The following SLC24A2 variants were observed in gnomAD, a reference collection of about 807,000 sequenced individuals.
The protein encoded by SLC24A2 is sodium/potassium/calcium exchanger 2.
A neutral mutation model predicts 62.0 loss-of-function variants in SLC24A2; 36 were observed. That is an observed-to-expected ratio of 0.58 (90% confidence interval 0.44 to 0.77). SLC24A2 has a LOEUF of 0.77. Ranked by LOEUF, SLC24A2 falls within the 30% of genes least tolerant of loss-of-function variation. The pLI, the probability that SLC24A2 is intolerant of heterozygous loss-of-function variation, is 0.00. For synonymous variants in SLC24A2, 358 were observed against 294.0 expected (o/e 1.22, Z -2.23); for missense variants, 846 against 817.9 (o/e 1.03, Z -0.42).
chr9:19,676,764 G>A (rs1819573248), intron 2 of SLC24A2, among the ~76,000 whole-genome samples: 1 of 152,122 alleles, frequency 6.6e-6, no homozygotes, highest in Admixed American at 6.6e-5. Flanking sequence ...TTGCATATTA[G>A]GAAGGATAGA....
chr9:19,567,355 GC>G (rs1835696373), intron 7 of SLC24A2, among the ~76,000 whole-genome samples: 1 of 151,462 alleles, frequency 6.6e-6, no homozygotes, highest in African/African-American at 2.4e-5. Flanking sequence ...GACCTTCCTG[GC>G]TAACACAATG....
At chr9:20,189,945 G>A in the SLC24A2 span, among the ~76,000 whole-genome samples, 3 of 152,124 alleles carry the variant, frequency 2.0e-5, no homozygotes, top group Non-Finnish European at 2.9e-5. Flanking sequence ...GAGGGGAGAT[G>A]GGCTATTCAT....
At chr9:20,021,443 T>C in the SLC24A2 span, among the ~76,000 whole-genome samples, 1 of 152,018 alleles carries the variant, frequency 6.6e-6, no homozygotes, top group East Asian at 1.9e-4. Context: ...CTATTAATAT[T>C]GGATTATTAA....
chr9:20,118,546 T>C, the SLC24A2 span, among the ~76,000 whole-genome samples: 1 of 152,268 alleles, frequency 6.6e-6, no homozygotes, highest in Non-Finnish European at 1.5e-5. Context: ...CTTAAGTTTT[T>C]TTTTATTTTT....
intron 2 of SLC24A2, among the ~76,000 whole-genome samples, chr9:19,684,891 GA>G (rs750774745): frequency 5.3e-5 from 8 of 152,120 alleles, no homozygotes; most frequent in Non-Finnish European, 1.0e-4. Flanking sequence ...ATCCAAATAG[GA>G]AGACAGGAAC....
chr9:19,559,966 C>T (rs565274781), intron 7 of SLC24A2, among the ~76,000 whole-genome samples: 18 of 152,084 alleles, frequency 1.2e-4, no homozygotes, highest in Non-Finnish European at 2.2e-4. Flanking sequence ...CTCACCGACC[C>T]AAACACCTGA....
the SLC24A2 span, among the ~76,000 whole-genome samples, chr9:19,820,058 C>CATATATATATACATATATAT: frequency 2.9e-5 from 1 of 34,644 alleles, no homozygotes. Flanking sequence ...TATATATACA[C>CATATATATATACATATATAT]ATATATATAT....
chr9:20,202,153 T>C, the SLC24A2 span, among the ~76,000 whole-genome samples: 4 of 151,792 alleles, frequency 2.6e-5, no homozygotes, highest in East Asian at 5.8e-4. Flanking sequence ...TGCTGAGATA[T>C]ATGAAGCAGA....
the SLC24A2 span, among the ~76,000 whole-genome samples, chr9:19,879,603 A>G: frequency 6.6e-5 from 10 of 152,184 alleles, no homozygotes; most frequent in African/African-American, 2.2e-4. Flanking sequence ...GTATCAGAAA[A>G]TATTCTCCCC....
the SLC24A2 span, among the ~76,000 whole-genome samples, chr9:20,086,742 C>T: frequency 6.6e-6 from 1 of 152,148 alleles, no homozygotes; most frequent in Non-Finnish European, 1.5e-5. Flanking sequence ...GTTCCCAAAG[C>T]CTAGGAAATA....
chr9:19,766,270 A>G (rs1434787730), intron 2 of SLC24A2, among the ~76,000 whole-genome samples: 1 of 152,090 alleles, frequency 6.6e-6, no homozygotes, highest in East Asian at 1.9e-4. Context: ...GGAGTTTGTT[A>G]TTACCCACTT....
chr9:20,179,843 C>A, the SLC24A2 span, among the ~76,000 whole-genome samples: 1 of 152,104 alleles, frequency 6.6e-6, no homozygotes, highest in Non-Finnish European at 1.5e-5. Flanking sequence ...GCTTCTATTT[C>A]TCTCTAAATA....
chr9:19,937,828 G>A, the SLC24A2 span, among the ~76,000 whole-genome samples: 2 of 152,138 alleles, frequency 1.3e-5, no homozygotes, highest in East Asian at 1.9e-4. Context: ...TATGGTTGGG[G>A]ACAGCCTTAT....
At chr9:19,804,458 A>G in the SLC24A2 span, among the ~76,000 whole-genome samples, 1 of 152,084 alleles carries the variant, frequency 6.6e-6, no homozygotes, top group Non-Finnish European at 1.5e-5. Flanking sequence ...TCAATTTTCC[A>G]TTGCTAGTAT....
At chr9:19,641,501 T>C (rs188430312) in intron 2 of SLC24A2, among the ~76,000 whole-genome samples, 1 of 147,534 alleles carries the variant, frequency 6.8e-6, no homozygotes, top group Admixed American at 7.2e-5. Context: ...TCTTGTTTAT[T>C]TTAGGTTACT....
intron 4 of SLC24A2, among the ~76,000 whole-genome samples, chr9:19,615,653 C>T (rs1309162896): frequency 6.6e-6 from 1 of 152,192 alleles, no homozygotes; most frequent in Non-Finnish European, 1.5e-5. Flanking sequence ...CTCAGCATCT[C>T]TCAGATTCAC....
chr9:20,033,592 T>C, the SLC24A2 span, among the ~76,000 whole-genome samples: 4 of 152,196 alleles, frequency 2.6e-5, no homozygotes, highest in Non-Finnish European at 5.9e-5. Flanking sequence ...AAATGCATTA[T>C]AATTTACTAA....
the SLC24A2 span, among the ~76,000 whole-genome samples, chr9:20,167,390 A>C: frequency 6.6e-6 from 1 of 152,030 alleles, no homozygotes; most frequent in African/African-American, 2.4e-5. Context: ...CTGTGGAGAA[A>C]GGAACATACA....
the SLC24A2 span, among the ~76,000 whole-genome samples, chr9:20,019,312 A>AAAGAAAGT: frequency 5.7e-5 from 8 of 141,550 alleles, no homozygotes; most frequent in South Asian, 2.1e-4. Flanking sequence ...AGAAAGAAAG[A>AAAGAAAGT]AAGTGAGTGA....
Sources: allele counts gnomAD v4.1 joint callset (sites outside exome capture counted in the v4.1 genomes callset), GRCh38; gene constraint gnomAD v4.1.1; transcripts MANE v1.5; gene names NCBI Gene and HGNC (gene_info 2026-07-23, HGNC 2026-07-21).